BTRC: variants seen among roughly 807,000 people sequenced by gnomAD.
BTRC encodes beta-transducin repeat containing E3 ubiquitin protein ligase, also known as F-box/WD repeat-containing protein 1A.
BTRC carries 42 observed loss-of-function variants against 85.5 expected under a neutral mutation model. That is an observed-to-expected ratio of 0.49 (90% CI 0.38 to 0.64). BTRC has a LOEUF of 0.64. Ranked by LOEUF, BTRC falls within the 30% of genes least tolerant of loss-of-function variation. The probability of loss-of-function intolerance (pLI) is 0.00; values close to 1 mark genes in which losing one functional copy is unlikely to be tolerated. For missense variants in BTRC, 594 were observed against 743.5 expected, an observed-to-expected ratio of 0.80 and a Z score of 2.34; for synonymous variants, 255 against 263.3, an observed-to-expected ratio of 0.97 and a Z score of 0.30.
chr10:101,511,549 T>G (rs9420849), intron 4 of BTRC, among the ~76,000 whole-genome samples: 21,690 of 150,836 alleles, frequency 0.14, 1,904 homozygotes, highest in Middle Eastern at 0.25. Flanking sequence ...TTGGGTTTTT[T>G]GTTTTGTTTT....
At chr10:101,374,345 C>T (rs905210143) in intron 1 of BTRC, among the ~76,000 whole-genome samples, 10 of 152,016 alleles carry the variant, frequency 6.6e-5, no homozygotes, top group Middle Eastern at 3.4e-3. Flanking sequence ...GTGTTTATTG[C>T]GGCATTATTC....
intron 1 of BTRC, among the ~76,000 whole-genome samples, chr10:101,406,594 G>A (rs1943631703): frequency 7.6e-6 from 1 of 131,888 alleles, no homozygotes; most frequent in South Asian, 2.4e-4. Context: ...GAGTGCAGTG[G>A]TGTGATCTTG....
chr10:101,365,460 T>C (rs1942343763), intron 1 of BTRC, among the ~76,000 whole-genome samples: 4 of 151,820 alleles, frequency 2.6e-5, no homozygotes, highest in Admixed American at 2.6e-4. Context: ...TTTTTCTTTT[T>C]AAAAATTTTT....
intron 4 of BTRC, among the ~76,000 whole-genome samples, chr10:101,511,545 T>TTTTTGTTTTG (rs555048085): frequency 2.0e-5 from 3 of 147,500 alleles, no homozygotes; most frequent in African/African-American, 7.3e-5. Flanking sequence ...TATTTTGGGT[T>TTTTTGTTTTG]TTTTGTTTTG....
At chr10:101,378,403 C>T (rs1010431540) in intron 1 of BTRC, among the ~76,000 whole-genome samples, 1 of 151,786 alleles carries the variant, frequency 6.6e-6, no homozygotes, top group Admixed American at 6.6e-5. Context: ...ACATAATTTC[C>T]TTCTTTTTAA....
chr10:101,533,115 T>C (rs1004999059), intron 9 of BTRC, 45 bp downstream of exon 9: 6 of 1,380,798 alleles, frequency 4.3e-6, no homozygotes, highest in Non-Finnish European at 6.2e-6. Context: ...ATATCAGCTC[T>C]GCTCTGTTCT....
intron 2 of BTRC, among the ~76,000 whole-genome samples, chr10:101,448,985 A>C (rs1179888019): frequency 6.6e-6 from 1 of 152,024 alleles, no homozygotes; most frequent in Non-Finnish European, 1.5e-5. Flanking sequence ...TTAGTTGGGA[A>C]GGACACAGTA....
At chr10:101,525,513 AAC>A (rs2062177196) in intron 5 of BTRC, among the ~76,000 whole-genome samples, 1 of 152,140 alleles carries the variant, frequency 6.6e-6, no homozygotes, top group South Asian at 2.1e-4. Flanking sequence ...AAAATTCTAT[AAC>A]CCAGCACATT....
intron 2 of BTRC, among the ~76,000 whole-genome samples, chr10:101,431,443 T>C (rs939092000): frequency 6.6e-6 from 1 of 152,114 alleles, no homozygotes; most frequent in African/African-American, 2.4e-5. Context: ...AGAGAAATAA[T>C]GTGGAAAATT....
chr10:101,486,150 C>G (rs1264927218), intron 4 of BTRC, among the ~76,000 whole-genome samples: 1 of 152,078 alleles, frequency 6.6e-6, no homozygotes, highest in Non-Finnish European at 1.5e-5. Context: ...GCTCAGAGAT[C>G]GGCAGGAGTC....
At chr10:101,396,637 T>C (rs1943371064) in intron 1 of BTRC, among the ~76,000 whole-genome samples, 1 of 152,092 alleles carries the variant, frequency 6.6e-6, no homozygotes, top group Non-Finnish European at 1.5e-5. Flanking sequence ...TTCTCATAGC[T>C]CATAATCATG....
At chr10:101,358,314 G>T (rs1324421308) in intron 1 of BTRC, among the ~76,000 whole-genome samples, 1 of 151,968 alleles carries the variant, frequency 6.6e-6, no homozygotes, top group Non-Finnish European at 1.5e-5. Context: ...TTGTTGACAG[G>T]GGTGGTTTTT....
chr10:101,411,696 C>G (rs981493908), intron 1 of BTRC, among the ~76,000 whole-genome samples: 2 of 147,732 alleles, frequency 1.4e-5, no homozygotes, highest in African/African-American at 4.9e-5. Flanking sequence ...ATTTTTAGGT[C>G]TGCTAATTTC....
At chr10:101,544,156 G>A (rs1023593222) in intron 13 of BTRC, among the ~76,000 whole-genome samples, 29 of 152,106 alleles carry the variant, frequency 1.9e-4, no homozygotes, top group Non-Finnish European at 4.0e-4. Flanking sequence ...TGATCCGCCC[G>A]CCTCAGGTTC....
intron 1 of BTRC, among the ~76,000 whole-genome samples, chr10:101,364,629 A>G (rs923027395): frequency 2.0e-5 from 3 of 152,318 alleles, no homozygotes; most frequent in South Asian, 4.1e-4. Context: ...GAATTATAGC[A>G]TGTGGATAAA....
chr10:101,410,371 C>CT (rs1263573578), intron 1 of BTRC, among the ~76,000 whole-genome samples: 1 of 152,166 alleles, frequency 6.6e-6, no homozygotes, highest in Non-Finnish European at 1.5e-5. Flanking sequence ...AATTCCAGCA[C>CT]TTTTGGAGGC....
At chr10:101,395,932 A>G (rs1472706373) in intron 1 of BTRC, among the ~76,000 whole-genome samples, 1 of 151,988 alleles carries the variant, frequency 6.6e-6, no homozygotes, top group Non-Finnish European at 1.5e-5. Flanking sequence ...ACAAATATGT[A>G]TATATATATT....
rs139245829 is a variant in BTRC, at chr10:101,414,711, C to A, written c.49-15634C>A. 5.1e-5 allele frequency: 26 copies of A among 511,672 alleles called. No homozygotes were observed. The East Asian group carries it at 1.4e-3, about 28-fold the overall frequency. 31.7% of individuals were successfully genotyped at this position (511,672 alleles called of 1,614,324 possible). ...AAGACAGTGATATTGATGATCCTTGCTCTCTGTGGGCCTAGGCTAATGTAA... is the reference window on the plus strand; with the variant it reads ...AAGACAGTGATATTGATGATCCTTGATCTCTGTGGGCCTAGGCTAATGTAA... On this transcript the variant is annotated intron_variant, in intron 1 of 14. Transcript: ENST00000370187.
chr10:101,475,307 A>G (rs942144688), intron 3 of BTRC, among the ~76,000 whole-genome samples: 6 of 152,236 alleles, frequency 3.9e-5, no homozygotes, highest in Non-Finnish European at 8.8e-5. Context: ...TGGGAGGCCA[A>G]GGCAGGTGGA....
Sources: gnomAD v4.1 joint callset for allele counts (sites outside exome capture counted in the v4.1 genomes callset) on GRCh38, gnomAD v4.1.1 for gene constraint, MANE v1.5 for transcripts, NCBI Gene and HGNC (gene_info 2026-07-23, HGNC 2026-07-21) for gene names.